MITF: variants seen among roughly 807,000 people sequenced by gnomAD.
MITF encodes melanocyte inducing transcription factor, also known as microphthalmia-associated transcription factor.
In MITF, 17 loss-of-function variants were observed where a neutral mutation model predicts 60.5. That is an observed-to-expected ratio of 0.28 (90% confidence interval 0.19 to 0.42). MITF has a LOEUF of 0.42. Among genes scored for constraint, MITF ranks in the 10% least tolerant of loss-of-function variants. The pLI, the probability that MITF is intolerant of heterozygous loss-of-function variation, is 1.00. For synonymous variants in MITF, 260 were observed against 248.5 expected (o/e 1.05, Z -0.43); for missense variants, 622 against 683.5 (o/e 0.91, Z 1.00).
chr3:69,892,780 G>C (rs954915469), intron 2 of MITF, among the ~76,000 whole-genome samples: 1 of 152,168 alleles, frequency 6.6e-6, no homozygotes, highest in African/African-American at 2.4e-5. Flanking sequence ...GGCCCTTCAT[G>C]GTCTGTCTCT....
intron 5 of MITF, 51 bp from the exon 6 acceptor site, chr3:69,949,000 A>G: frequency 7.6e-7 from 1 of 1,320,386 alleles, no homozygotes; most frequent in Non-Finnish European, 1.1e-6. Context: ...ATCTGAAAAA[A>G]CATGGGAATT....
chr3:69,942,858 T>A (rs140898883), intron 5 of MITF, among the ~76,000 whole-genome samples: 1 of 152,244 alleles, frequency 6.6e-6, no homozygotes, highest in African/African-American at 2.4e-5. Context: ...TACATTTCAC[T>A]GCTCTAGCAG....
At chr3:69,936,836 A>G in intron 2 of MITF, 1 of 1,298,932 alleles carries the variant, frequency 7.7e-7, no homozygotes, top group Non-Finnish European at 1.1e-6. Flanking sequence ...TTATTGTAAT[A>G]GACATACTGT....
intron 1 of MITF, among the ~76,000 whole-genome samples, chr3:69,747,527 A>G (rs1293115047): frequency 6.6e-6 from 1 of 152,180 alleles, no homozygotes; most frequent in Non-Finnish European, 1.5e-5. Context: ...GATAAAAGGT[A>G]ATGTATGTAA....
At chr3:69,828,420 C>T (rs2063390727) in intron 1 of MITF, among the ~76,000 whole-genome samples, 1 of 151,846 alleles carries the variant, frequency 6.6e-6, no homozygotes, top group Non-Finnish European at 1.5e-5. Context: ...TTTTATTTAG[C>T]TTGTATAGGA....
At position 69,917,489 on chromosome 3, in the gene MITF, T is replaced by C. The variant is rs558978165; in HGVS notation, c.355-20333T>C. Among the ~76,000 whole-genome samples the C allele has an allele frequency of 1.7e-4, 26 of 151,058 alleles. No homozygotes were observed. In the South Asian group the frequency reaches 5.2e-3, roughly 30 times the overall value. On this transcript the variant is annotated intron_variant, in intron 2 of 9. Coordinates refer to ENST00000352241, the MANE Select transcript of MITF (RefSeq NM_001354604.2). ...TGGTATGGTGCTGAAGAGGAATTAG[T>C]GTAGCAAAATCAGAAGGCTTGGGGA...
chr3:69,855,359 A>G (rs2063899968), intron 1 of MITF, among the ~76,000 whole-genome samples: 1 of 151,950 alleles, frequency 6.6e-6, no homozygotes, highest in Admixed American at 6.5e-5. Context: ...GTTAATAAAG[A>G]AGTTAAATAC....
chr3:69,870,382 A>G (rs1189937971), intron 1 of MITF, among the ~76,000 whole-genome samples: 1 of 149,144 alleles, frequency 6.7e-6, no homozygotes, highest in Non-Finnish European at 1.5e-5. Flanking sequence ...GTGTGTGTGT[A>G]TATATATGTG....
At chr3:69,874,872 C>G (rs41440046) in intron 1 of MITF, among the ~76,000 whole-genome samples, 3,810 of 152,166 alleles carry the variant, frequency 0.025, 147 homozygotes, top group African/African-American at 0.084. Context: ...TGGGATTTAG[C>G]AAAACGTCAG....
chr3:69,813,105 C>A (rs934792184), intron 1 of MITF, among the ~76,000 whole-genome samples: 1 of 152,144 alleles, frequency 6.6e-6, no homozygotes, highest in Non-Finnish European at 1.5e-5. Context: ...GCATTCAGGA[C>A]TGAGGAAAAT....
intron 1 of MITF, among the ~76,000 whole-genome samples, chr3:69,762,383 C>T (rs372614786): frequency 2.6e-4 from 40 of 152,236 alleles, no homozygotes; most frequent in African/African-American, 8.7e-4. Flanking sequence ...CTCATCCATA[C>T]CAAGAAAAGT....
chr3:69,828,028 T>G (rs1305736700), intron 1 of MITF, among the ~76,000 whole-genome samples: 1 of 152,228 alleles, frequency 6.6e-6, no homozygotes, highest in Non-Finnish European at 1.5e-5. Flanking sequence ...TTGTCATAAA[T>G]GTGATCAAGT....
chr3:69,766,725 G>A (rs1254045273), intron 1 of MITF, among the ~76,000 whole-genome samples: 1 of 152,182 alleles, frequency 6.6e-6, no homozygotes, highest in Non-Finnish European at 1.5e-5. Flanking sequence ...TCAGGGATAA[G>A]TATGTGGGAT....
At chr3:69,919,425 A>G (rs2065411782) in intron 2 of MITF, among the ~76,000 whole-genome samples, 1 of 152,218 alleles carries the variant, frequency 6.6e-6, no homozygotes, top group Admixed American at 6.5e-5. Flanking sequence ...GGCAAATAAT[A>G]AAATAAAACG....
intron 2 of MITF, among the ~76,000 whole-genome samples, chr3:69,881,661 A>G (rs1009749866): frequency 2.6e-5 from 4 of 151,222 alleles, no homozygotes; most frequent in Middle Eastern, 3.2e-3. Context: ...TTTCTTTTTT[A>G]TAGTTTTTAA....
chr3:69,852,941 G>T (rs1303616090), intron 1 of MITF, among the ~76,000 whole-genome samples: 1 of 152,110 alleles, frequency 6.6e-6, no homozygotes, highest in Non-Finnish European at 1.5e-5. Flanking sequence ...TGTACAGCTA[G>T]AGTTAGAGAA....
intron 1 of MITF, among the ~76,000 whole-genome samples, chr3:69,862,470 CAAAAG>C (rs1211921353): frequency 1.3e-5 from 2 of 152,164 alleles, no homozygotes; most frequent in East Asian, 3.9e-4. Flanking sequence ...AAATGACTAT[CAAAAG>C]AAAGAATATA....
intron 1 of MITF, chr3:69,838,759 C>T (rs561862405): frequency 2.6e-5 from 4 of 152,692 alleles, no homozygotes; most frequent in East Asian, 3.9e-4. Flanking sequence ...AGACATTGGT[C>T]GCATTTCAGC....
At chr3:69,879,780 G>A (rs1169055016) in intron 2 of MITF, among the ~76,000 whole-genome samples, 1 of 152,120 alleles carries the variant, frequency 6.6e-6, no homozygotes, top group Non-Finnish European at 1.5e-5. Context: ...TATTTAGTAT[G>A]TAATATTGGT....
Sources: gnomAD v4.1 joint callset for allele counts (sites outside exome capture counted in the v4.1 genomes callset) on GRCh38, gnomAD v4.1.1 for gene constraint, MANE v1.5 for transcripts, NCBI Gene and HGNC (gene_info 2026-07-23, HGNC 2026-07-21) for gene names.